Variants in COL4A2 observed in about 807,000 individuals in gnomAD.
The protein encoded by COL4A2 is collagen type IV alpha 2 chain.
A neutral mutation model predicts 200.2 loss-of-function variants in COL4A2; 99 were observed. That is an observed-to-expected ratio of 0.49 (90% CI 0.42 to 0.58). The LOEUF is 0.58. Among genes scored for constraint, COL4A2 ranks in the 20% least tolerant of loss-of-function variants. COL4A2 has a pLI of 0.00. For synonymous variants in COL4A2, 897 were observed against 900.6 expected (o/e 1.00, Z 0.07); for missense variants, 1,950 against 2,314.1 (o/e 0.84, Z 3.23).
chr13:110,363,731 G>A (rs375700627), intron 4 of COL4A2, among the ~76,000 whole-genome samples: 102 of 152,296 alleles, frequency 6.7e-4, no homozygotes, highest in African/African-American at 2.1e-3. Flanking sequence ...GTGTATTGCC[G>A]TCATAAACCC....
In COL4A2 at chr13:110,503,469, C is replaced by G; in HGVS notation, c.4126C>G (p.Pro1376Ala). The G allele has an allele frequency of 6.4e-7, 1 of 1,560,092 alleles. No homozygotes were observed. The highest frequency in any genetic ancestry group is 8.7e-7 in the Non-Finnish European group (1 of 1,149,482). ...AGGCCCCAAGGGACCCAAGGGAGAC[C>G]CAGGATTCCCTGGTAAGTGACCGTC... ...DRGPKGPKGD[P>A]GFPGAPGTVG... The change falls in exon 43 of 48, where the codon CCA becomes GCA. Residue 1376 changes from proline (P) to alanine (A), a missense_variant. Pro to Ala is a conservative substitution (Grantham distance 27). Transcript: ENST00000360467.
In COL4A2 at chr13:110,469,240, C is replaced by A; in HGVS notation, c.2119C>A (p.Pro707Thr). ...PTGAKGLRGI[P>T]GFAGADGGPG... ...AGGTGCCAAAGGCCTCCGAGGAATC[C>A]CAGGCTTCGCAGGAGCTGATGGAGG... The change falls in exon 28 of 48, where the codon CCA (proline) becomes ACA (threonine). Residue 707 changes from proline to threonine, a missense_variant. Pro to Thr is a conservative substitution (Grantham distance 38). Around this residue, in one of 2 missense-constraint regions of COL4A2, gnomAD observed 1,385 missense variants for 1,720.5 expected, o/e 0.80. Coordinates refer to ENST00000360467, the MANE Select transcript of COL4A2 (RefSeq NM_001846.4). 6.2e-7 allele frequency: 1 copy of A among 1,600,838 alleles called. No individual in the cohort carries two copies.
intron 4 of COL4A2, among the ~76,000 whole-genome samples, chr13:110,419,729 A>G (rs990531227): frequency 7.2e-5 from 11 of 152,334 alleles, no homozygotes; most frequent in African/African-American, 2.4e-4. Flanking sequence ...CGCACCAGCC[A>G]TGACTTCAGA....
In COL4A2 at chr13:110,505,089, G is replaced by C. The variant is rs957804039; in HGVS notation, c.4402+825G>C. On this transcript the variant is annotated intron_variant, in intron 45 of 47. Transcript: ENST00000360467. ...ATAGGGGCCGGGCGCGGTGGCTCAC[G>C]CCTGTAATCCCAGCACTTTGGGAGG... Among the ~76,000 whole-genome samples the C allele has an allele frequency of 6.6e-5, 10 of 151,922 alleles. No homozygotes were observed. In the East Asian group the frequency reaches 1.6e-3, roughly 24 times the overall value.
At chr13:110,505,240 C>T (rs911298863) in intron 45 of COL4A2, among the ~76,000 whole-genome samples, 2 of 151,966 alleles carry the variant, frequency 1.3e-5, no homozygotes, top group Admixed American at 1.3e-4. Context: ...GTCCCAGCTA[C>T]TCGGGAGGCT....
chr13:110,385,907 T>TACAGCGTGTGGATAGGCCATGGTC (rs1878713586), intron 4 of COL4A2, among the ~76,000 whole-genome samples: 1 of 110,522 alleles, frequency 9.0e-6, no homozygotes, highest in Non-Finnish European at 1.9e-5. Flanking sequence ...AGGCCGTGGT[T>TACAGCGTGTGGATAGGCCATGGTC]ACAGCGTGTG....
At chr13:110,481,920 G>T (rs796855128) in intron 31 of COL4A2, among the ~76,000 whole-genome samples, 9 of 26,756 alleles carry the variant, frequency 3.4e-4, no homozygotes, top group Admixed American at 7.5e-4. Flanking sequence ...CTGTCCCTCC[G>T]TGCTGGAGAC....
chr13:110,433,913 C>T (rs866111668), intron 11 of COL4A2, among the ~76,000 whole-genome samples: 6 of 152,128 alleles, frequency 3.9e-5, no homozygotes, highest in Non-Finnish European at 8.8e-5. Context: ...CAGAGAATCA[C>T]GTAAAATCAT....
intron 41 of COL4A2, 89 bp downstream of exon 41, chr13:110,501,873 C>T (rs1476558615): frequency 3.1e-6 from 4 of 1,285,544 alleles, no homozygotes; most frequent in Non-Finnish European, 4.4e-6. Context: ...AACAGACGTT[C>T]ATTTCCACGC....
At position 110,512,045 on chromosome 13, in the gene COL4A2, T is replaced by C; in HGVS notation, c.4993T>C (p.Cys1665Arg). 6.2e-7 allele frequency: 1 copy of C among 1,613,818 alleles called. No individual in the cohort carries two copies. Among genetic ancestry groups the C allele is most frequent in the Non-Finnish European group, 8.5e-7 (1 of 1,180,042 alleles). The change falls in exon 48 of 48, where the codon TGC (cysteine) becomes CGC (arginine). Residue 1665 changes from cysteine (C) to arginine (R), a missense_variant. Physicochemically the swap from Cys to Arg is radical, Grantham distance 180. Around this residue, in one of 2 missense-constraint regions of COL4A2, gnomAD observed 1,385 missense variants for 1,720.5 expected, o/e 0.80. Coordinates refer to ENST00000360467, the MANE Select transcript of COL4A2 (RefSeq NM_001846.4). ...FIECNGGRGT[C>R]HYYANKYSFW... ...CGAATGCAATGGAGGCCGCGGCACC[T>C]GCCACTACTACGCCAACAAGTACAG... is the stretch of plus-strand genomic sequence containing the variant.
intron 4 of COL4A2, 83 bp from the exon 5 acceptor site, chr13:110,424,651 A>AAAAT (rs1555328090): frequency 2.2e-6 from 2 of 911,796 alleles, no homozygotes; most frequent in Non-Finnish European, 3.3e-6. Context: ...AAAAAAAAAA[A>AAAAT]TGTAGTTTTG....
intron 26 of COL4A2, among the ~76,000 whole-genome samples, 184 bp from the exon 27 acceptor site, chr13:110,466,856 T>C (rs897985852): frequency 4.6e-5 from 7 of 152,204 alleles, no homozygotes; most frequent in Admixed American, 6.5e-5. Context: ...TTTGATTTCA[T>C]TACACAATGA....
intron 20 of COL4A2, among the ~76,000 whole-genome samples, chr13:110,451,517 G>A (rs768738257): frequency 2.6e-4 from 39 of 152,312 alleles, no homozygotes; most frequent in Middle Eastern, 3.4e-3. Flanking sequence ...AGAAGGGGAA[G>A]CAAACATGTC....
chr13:110,428,403 TCA>T, intron 6 of COL4A2, 62 bp from the exon 7 acceptor site: 1 of 947,826 alleles, frequency 1.1e-6, no homozygotes, highest in Non-Finnish European at 1.6e-6. Context: ...CTGTTTTATC[TCA>T]CAGTTACATG....
In COL4A2 at chr13:110,430,445, A is replaced by T; in HGVS notation, c.585+9A>T. The T allele has an allele frequency of 6.2e-7, 1 of 1,614,126 alleles. No homozygotes were observed. Among genetic ancestry groups the T allele is most frequent in the Non-Finnish European group, 8.5e-7 (1 of 1,179,996 alleles). On this transcript the variant is annotated intron_variant, in intron 9 of 47. Transcript: ENST00000360467. ...GATTGGTCGGTTTCCAGGTAAGTTT[A>T]TTTTTATTGGACGATATTCCAAACA...
intron 20 of COL4A2, 104 bp downstream of exon 20, chr13:110,450,558 G>C (rs543795793): frequency 7.4e-7 from 1 of 1,347,336 alleles, no homozygotes; most frequent in Non-Finnish European, 1.0e-6. Context: ...CTCTGGGAAC[G>C]AATCCAGTAG....
rs1357935279 is a variant in COL4A2, at chr13:110,473,086, T to A, written c.2361T>A (p.Ala787=). The A allele has an allele frequency of 1.3e-6, 2 of 1,548,454 alleles. No individual in the cohort carries two copies. Among genetic ancestry groups the A allele is most frequent in the Non-Finnish European group, 1.7e-6 (2 of 1,147,066 alleles). ...CTCAGCCCGGGCCACGGGGAGATGC[T>A]GGTGTGCCTGGACAGCCTGGGCTTA... ...LGAQPGPRGD[A]GVPGQPGLKG... The change falls in exon 29 of 48, where the codon GCT becomes GCA. Residue 787 remains alanine, a synonymous_variant. Transcript: ENST00000360467.
chr13:110,347,238 C>T (rs985466668), intron 3 of COL4A2, among the ~76,000 whole-genome samples: 4 of 152,212 alleles, frequency 2.6e-5, no homozygotes, highest in Admixed American at 2.0e-4. Flanking sequence ...TCCAAGGCAG[C>T]GTTGGCTTAG....
At chr13:110,422,915 A>G (rs556350834) in intron 4 of COL4A2, among the ~76,000 whole-genome samples, 56 of 152,220 alleles carry the variant, frequency 3.7e-4, no homozygotes, top group African/African-American at 1.3e-3. Context: ...TTTCACTTCA[A>G]CTGTGTGGAT....
Sources: gnomAD v4.1 joint callset for allele counts (sites outside exome capture counted in the v4.1 genomes callset) on GRCh38, gnomAD v4.1.1 for gene constraint, gnomAD v4.1.1 regional missense constraint, MANE v1.5 for transcripts, NCBI Gene and HGNC (gene_info 2026-07-23, HGNC 2026-07-21) for gene names.